EVC2: variants seen among roughly 807,000 people sequenced by gnomAD.
EVC2 encodes the protein EvC ciliary complex subunit 2.
EVC2 carries 148 observed loss-of-function variants against 149.3 expected under a neutral mutation model. That is an observed-to-expected ratio of 0.99 (90% CI 0.87 to 1.14). EVC2 has a LOEUF of 1.14. Ranked by LOEUF, EVC2 falls within the 50% of genes most tolerant of loss-of-function variation. The pLI, the probability that EVC2 is intolerant of heterozygous loss-of-function variation, is 0.00. For missense variants in EVC2, 1,854 were observed against 1,627.3 expected (o/e 1.14, Z -2.40); for synonymous variants, 776 against 649.9 (o/e 1.19, Z -2.95).
intron 16 of EVC2, among the ~76,000 whole-genome samples, chr4:5,609,396 G>A (rs1429817245): frequency 6.6e-6 from 1 of 152,094 alleles, no homozygotes; most frequent in Non-Finnish European, 1.5e-5. Context: ...AGATGTAATC[G>A]ATCAAATTCA....
chr4:5,594,399 A>C (rs1364423731), intron 16 of EVC2, among the ~76,000 whole-genome samples: 1 of 152,200 alleles, frequency 6.6e-6, no homozygotes, highest in Non-Finnish European at 1.5e-5. Flanking sequence ...ATCAGACAGC[A>C]GCATTCGCGG....
chr4:5,676,863 G>C (rs1720028602), intron 7 of EVC2, among the ~76,000 whole-genome samples: 1 of 151,860 alleles, frequency 6.6e-6, no homozygotes, highest in Non-Finnish European at 1.5e-5. Context: ...TTTTCATGTA[G>C]TGCCTCAGTG....
chr4:5,611,211 C>G (rs964126570), intron 16 of EVC2, among the ~76,000 whole-genome samples: 4 of 152,146 alleles, frequency 2.6e-5, no homozygotes, highest in Admixed American at 6.6e-5. Flanking sequence ...TGAGGCAGAC[C>G]AGGTCCCATC....
intron 1 of EVC2, among the ~76,000 whole-genome samples, chr4:5,706,377 G>GATAGATACATACATAC (rs1560243414): frequency 1.0e-4 from 1 of 9,548 alleles, no homozygotes; most frequent in Non-Finnish European, 2.1e-4. Context: ...TACATAGATA[G>GATAGATACATACATAC]ATACATAGAT....
rs375230517 is a variant in EVC2, at chr4:5,562,800, A to T, written c.*48T>A. On this transcript the variant is annotated 3_prime_UTR_variant, in exon 22 of 22. Coordinates refer to ENST00000344408, the MANE Select transcript of EVC2 (RefSeq NM_147127.5). The surrounding 1 kb of genome is among the most constrained non-coding windows in gnomAD (Gnocchi z 4.3). ...CACACAAACACCGGCGGGCAGGAGAAAATCATCCCTTCTCTCTTCAGATGC... is the reference window on the plus strand; with the variant it reads ...CACACAAACACCGGCGGGCAGGAGATAATCATCCCTTCTCTCTTCAGATGC... The T allele has an allele frequency of 5.0e-6, 8 of 1,610,832 alleles. No individual in the cohort carries two copies. The highest frequency in any genetic ancestry group is 4.4e-5 in the South Asian group (4 of 90,924).
At chr4:5,570,797 T>C (rs1722598766) in intron 19 of EVC2, among the ~76,000 whole-genome samples, 2 of 152,152 alleles carry the variant, frequency 1.3e-5, no homozygotes, top group African/African-American at 4.8e-5. Context: ...ATATACACCA[T>C]AGAATACTAC....
intron 14 of EVC2, among the ~76,000 whole-genome samples, chr4:5,621,460 G>A (rs1190539965): frequency 6.6e-6 from 1 of 152,226 alleles, no homozygotes; most frequent in Admixed American, 6.5e-5. Context: ...AAACTTAAGT[G>A]GTGGTCCTGG....
In EVC2 at chr4:5,640,481, G is replaced by A. The variant is rs1230728131; in HGVS notation, c.1470+33C>T. ...AAATGACAAATCCCTGAGAGAAAGG[G>A]AAGTGAACGCCTTCCTTTCAGACCT... is the stretch of plus-strand genomic sequence containing the variant. On this transcript the variant is annotated intron_variant, in intron 10 of 21. Transcript: ENST00000344408. This position sits in a 1 kb window ranked among gnomAD's most constrained non-coding sequence, Gnocchi z 4.6. The A allele has an allele frequency of 6.2e-7, 1 of 1,611,588 alleles. No individual in the cohort carries two copies. Among genetic ancestry groups the A allele is most frequent in the Non-Finnish European group, 8.5e-7 (1 of 1,177,766 alleles).
In EVC2 at chr4:5,625,777, G is replaced by C; in HGVS notation, c.2018C>G (p.Thr673Ser). The C allele has an allele frequency of 6.2e-7, 1 of 1,614,124 alleles. No homozygotes were observed. The highest frequency in any genetic ancestry group is 8.5e-7 in the Non-Finnish European group (1 of 1,180,032). Residue 673 changes from threonine (T) to serine (S), a missense_variant, in exon 13 of 22, where the codon ACT becomes AGT. Physicochemically the swap from Thr to Ser is moderately conservative, Grantham distance 58. Coordinates refer to ENST00000344408, the MANE Select transcript of EVC2 (RefSeq NM_147127.5). This position sits in a 1 kb window ranked among gnomAD's most constrained non-coding sequence, Gnocchi z 4.0. Reference protein sequence around the residue: ...EKKKLHQKLITKRRRELLQKH... With the variant: ...EKKKLHQKLISKRRRELLQKH... ...TTGTAGCAACTCTCGTCTTCTCTTAGTTATTAATTTTTGGTGGAGCTTTTT... is the reference window on the plus strand; with the variant it reads ...TTGTAGCAACTCTCGTCTTCTCTTACTTATTAATTTTTGGTGGAGCTTTTT...
At chr4:5,563,452 T>C (rs1023562945) in intron 21 of EVC2, among the ~76,000 whole-genome samples, 4 of 152,174 alleles carry the variant, frequency 2.6e-5, no homozygotes, top group African/African-American at 7.2e-5. Flanking sequence ...GTTCAAGTGA[T>C]TCTCCTGCCT....
At chr4:5,600,327 C>A (rs1363062921) in intron 16 of EVC2, among the ~76,000 whole-genome samples, 1 of 152,110 alleles carries the variant, frequency 6.6e-6, no homozygotes, top group African/African-American at 2.4e-5. Context: ...TATTTCACAT[C>A]ATTATTACAT....
At chr4:5,542,038 A>G (rs959787893), downstream of EVC2, among the ~76,000 whole-genome samples, 10 of 152,182 alleles carry the variant, frequency 6.6e-5, no homozygotes, top group African/African-American at 2.2e-4. Flanking sequence ...ATAGGGCCTT[A>G]TAAGAAGAAG....
At chr4:5,692,924 A>G (rs34978837) in intron 3 of EVC2, among the ~76,000 whole-genome samples, 11,658 of 151,294 alleles carry the variant, frequency 0.077, 575 homozygotes, top group East Asian at 0.24. Context: ...GCCATTTTCC[A>G]AAGAACACGC....
rs1390335205 is a variant in EVC2 at position 5,636,138 on chromosome 4, G to C, written c.1471-4106C>G. ...CATGATTATCCCTGTCTTAAGGATG[G>C]GGAAAGGAGACCCAGGGTGACTGGG... On this transcript the variant is annotated intron_variant, in intron 10 of 21. Coordinates refer to ENST00000344408, the MANE Select transcript of EVC2 (RefSeq NM_147127.5). The surrounding 1 kb of genome is among the most constrained non-coding windows in gnomAD (Gnocchi z 4.6). Among the ~76,000 whole-genome samples the C allele has an allele frequency of 2.9e-4, 44 of 152,166 alleles. No homozygotes were observed. The highest frequency in any genetic ancestry group is 3.8e-4 in the Non-Finnish European group (26 of 68,028).
At chr4:5,547,554 T>C (rs1406964355) in intron 21 of EVC2, among the ~76,000 whole-genome samples, 3 of 152,008 alleles carry the variant, frequency 2.0e-5, no homozygotes, top group Non-Finnish European at 2.9e-5. Flanking sequence ...ATACACTTCC[T>C]CCCCTCTGAA....
rs576623636 is a variant in EVC2, at chr4:5,676,659, G to C, written c.870+4601C>G. 4.6e-5 allele frequency among the ~76,000 whole-genome samples: 7 copies of C among 152,260 alleles called. No homozygotes were observed. The South Asian group carries it at 1.5e-3, about 32-fold the overall frequency. ...TAACCTAGAAGTCAGATGTTCAGCT[G>C]CCCCTTCCCCAACTTTAATTAAATC... On this transcript the variant is annotated intron_variant, in intron 7 of 21. Coordinates refer to ENST00000344408, the MANE Select transcript of EVC2 (RefSeq NM_147127.5).
At chr4:5,701,040 T>C (rs1018546265) in intron 1 of EVC2, among the ~76,000 whole-genome samples, 16 of 152,230 alleles carry the variant, frequency 1.1e-4, no homozygotes, top group African/African-American at 3.9e-4. Context: ...GGCAGGGCTG[T>C]GCTCTTTTCT....
chr4:5,661,116 T>C (rs1030550609), intron 9 of EVC2, among the ~76,000 whole-genome samples: 2 of 152,186 alleles, frequency 1.3e-5, no homozygotes, highest in Admixed American at 6.5e-5. Context: ...CAGTGGGTAG[T>C]GAGTGGGCAG....
chr4:5,615,187 G>A (rs1715147975), intron 16 of EVC2, among the ~76,000 whole-genome samples: 1 of 152,186 alleles, frequency 6.6e-6, no homozygotes, highest in Non-Finnish European at 1.5e-5. Flanking sequence ...GAAGGATCCG[G>A]TGAGATCCCC....
Sources: allele counts gnomAD v4.1 joint callset (sites outside exome capture counted in the v4.1 genomes callset), GRCh38; gene constraint gnomAD v4.1.1; non-coding constraint Gnocchi (gnomAD v3.1); transcripts MANE v1.5; gene names NCBI Gene and HGNC (gene_info 2026-07-23, HGNC 2026-07-21).